UNC13B: variants seen among roughly 807,000 people sequenced by gnomAD.
UNC13B encodes unc-13 homolog B.
In UNC13B, 144 loss-of-function variants were observed where a neutral mutation model predicts 211.0. That is an observed-to-expected ratio of 0.68 (90% CI 0.60 to 0.78). UNC13B has a LOEUF of 0.78. UNC13B is among the 30% of genes least tolerant of loss of function. The pLI is 0.00. For synonymous variants in UNC13B, 709 were observed against 725.8 expected (o/e 0.98, Z 0.37); for missense variants, 1,777 against 2,002.0 (o/e 0.89, Z 2.14).
chr9:35,302,380 A>C lies in UNC13B; in HGVS notation c.2976A>C (p.Gln992His), dbSNP rs1176699338. 2.5e-6 allele frequency: 1 copy of C among 398,516 alleles called. No homozygotes were observed. The highest frequency in any genetic ancestry group is 4.4e-6 in the Non-Finnish European group (1 of 225,792). The allele number at this position is 398,516 out of a possible 1,614,324, so 24.7% of individuals were successfully genotyped here. A position where few individuals can be genotyped will look rare whatever the true frequency, so the allele number is the denominator to read the frequency against. The change falls in exon 9 of 40, where the codon CAA becomes CAC. Residue 992 changes from glutamine (Q) to histidine (H), a missense_variant. By Grantham distance (24) the Gln-to-His change is conservative. Transcript: ENST00000635942. The part of the protein sequence containing the change: ...DSIKEFNKND[Q>H]VNCPEDAKLS... The stretch of plus-strand genomic sequence containing the variant: ...TAAAGGAATTTAATAAGAATGACCA[A>C]GTAAATTGTCCTGAAGATGCCAAAC...
intron 20 of UNC13B, 147 bp from the exon 21 acceptor site, chr9:35,382,210 G>C: frequency 9.6e-7 from 1 of 1,045,716 alleles, no homozygotes. Context: ...TGCCCCTAGA[G>C]CTGTGTGCAG....
intron 29 of UNC13B, 139 bp downstream of exon 29, chr9:35,397,449 G>C: frequency 1.4e-6 from 2 of 1,417,126 alleles, no homozygotes; most frequent in Non-Finnish European, 1.9e-6. Context: ...CTGGTTTCTG[G>C]GGCAGACAGA....
In UNC13B at chr9:35,400,394, G is replaced by C; in HGVS notation, c.12435G>C (p.Gln4145His). Residue 4145 changes from glutamine to histidine, a missense_variant, in exon 37 of 40, where the codon CAG becomes CAC. Transcript: ENST00000635942. ...SLRYALSLYT[Q>H]TTDTLIKTFV... ...GCTATGCCCTGTCTCTGTACACACA[G>C]ACTACTGACACTCTCATCAAGACCT... The C allele has an allele frequency of 6.2e-7, 1 of 1,614,072 alleles. No individual in the cohort carries two copies. The highest frequency in any genetic ancestry group is 8.5e-7 in the Non-Finnish European group (1 of 1,179,976).
At chr9:35,342,188 C>T (rs531770717) in intron 11 of UNC13B, 20 of 985,608 alleles carry the variant, frequency 2.0e-5, no homozygotes, top group Non-Finnish European at 2.4e-5. Context: ...GGTGCTTTGG[C>T]TCAGAAAGTT....
At chr9:35,384,718 G>A (rs1835077689) in intron 22 of UNC13B, 1 of 985,298 alleles carries the variant, frequency 1.0e-6, no homozygotes, top group Non-Finnish European at 1.2e-6. Flanking sequence ...AATCTGGCTA[G>A]GGGACAGAGA....
chr9:35,377,317 A>C, intron 15 of UNC13B, 151 bp from the exon 16 acceptor site: 1 of 723,842 alleles, frequency 1.4e-6, no homozygotes, highest in South Asian at 1.9e-5. Context: ...TGGCAAGTGC[A>C]GGTGCCAGAG....
chr9:35,279,967 C>G (rs1828393429), intron 7 of UNC13B, among the ~76,000 whole-genome samples: 1 of 152,130 alleles, frequency 6.6e-6, no homozygotes, highest in African/African-American at 2.4e-5. Context: ...CCTCTACCAT[C>G]TGGGCCGTCT....
chr9:35,349,208 G>A (rs1055336244), intron 11 of UNC13B, among the ~76,000 whole-genome samples: 9 of 152,078 alleles, frequency 5.9e-5, no homozygotes, highest in Non-Finnish European at 1.3e-4. Context: ...GAGCCACCAC[G>A]CCCAGCCGCA....
intron 11 of UNC13B, among the ~76,000 whole-genome samples, chr9:35,325,313 C>G (rs1050006147): frequency 1.3e-5 from 2 of 152,154 alleles, no homozygotes; most frequent in Non-Finnish European, 2.9e-5. Flanking sequence ...GAGGTCCATA[C>G]CCATTCTCGC....
chr9:35,195,870 T>C (rs540401011), intron 1 of UNC13B, among the ~76,000 whole-genome samples: 2 of 152,286 alleles, frequency 1.3e-5, no homozygotes, highest in African/African-American at 4.8e-5. Flanking sequence ...CTGTGGTCAG[T>C]TGGCTGAGAG....
rs996867143 is a variant in UNC13B at position 35,288,422 on chromosome 9, G to C, written c.527-7274G>C. Among the ~76,000 whole-genome samples, 5 of 152,102 alleles carry C rather than the reference G, an allele frequency of 3.3e-5. No individual in the cohort carries two copies. In the South Asian group the frequency reaches 6.2e-4, roughly 19 times the overall value. The stretch of plus-strand genomic sequence containing the variant: ...GTAGCCTCTCACTCTAGATATTCTG[G>C]AACTATTTTCAGCTCACTGAACATG... On this transcript the variant is annotated intron_variant, in intron 7 of 39. Coordinates refer to ENST00000635942, the MANE Select transcript of UNC13B (RefSeq NM_001371189.2).
intron 6 of UNC13B, 70 bp from the exon 7 acceptor site, chr9:35,258,923 A>AT (rs1348552912): frequency 1.1e-5 from 17 of 1,530,448 alleles, no homozygotes; most frequent in East Asian, 2.3e-5. Context: ...GGTAGTTGTG[A>AT]TTTTTTTCCC....
chr9:35,246,364 A>G (rs1231295205), intron 6 of UNC13B, among the ~76,000 whole-genome samples: 4 of 152,014 alleles, frequency 2.6e-5, no homozygotes, highest in Non-Finnish European at 5.9e-5. Flanking sequence ...ATTAGATCCC[A>G]TTTGTCAATT....
rs574504851 is a variant in UNC13B, at chr9:35,223,355, T to A, written c.23-4660T>A. Among the ~76,000 whole-genome samples, 26 of 152,342 alleles carry A rather than the reference T, an allele frequency of 1.7e-4. No homozygotes were observed. In the South Asian group the frequency reaches 5.2e-3, roughly 30 times the overall value. ...TTTTCTCTCCATCCAGGCCAGCATC[T>A]GTTATATTTTGTGGTTTTGGTGATA... On this transcript the variant is annotated intron_variant, in intron 1 of 39. Transcript: ENST00000635942.
intron 1 of UNC13B, among the ~76,000 whole-genome samples, chr9:35,211,598 G>GAAT (rs1326269131): frequency 5.3e-5 from 8 of 152,264 alleles, no homozygotes; most frequent in African/African-American, 1.9e-4. Flanking sequence ...ATAGCAATAT[G>GAAT]AGTAGTAGTA....
intron 1 of UNC13B, among the ~76,000 whole-genome samples, chr9:35,198,250 G>T (rs572627280): frequency 3.3e-5 from 5 of 152,316 alleles, no homozygotes; most frequent in African/African-American, 1.2e-4. Context: ...AGCACCATCT[G>T]CTTGGTGCTT....
chr9:35,384,084 G>A (rs542985834), intron 21 of UNC13B, among the ~76,000 whole-genome samples, 162 bp from the exon 22 acceptor site: 28 of 152,146 alleles, frequency 1.8e-4, no homozygotes, highest in African/African-American at 6.5e-4. Context: ...CATTTTTTCC[G>A]TTACACTGTT....
chr9:35,315,358 T>G (rs1298941838), intron 11 of UNC13B, among the ~76,000 whole-genome samples: 1 of 152,188 alleles, frequency 6.6e-6, no homozygotes, highest in Non-Finnish European at 1.5e-5. Context: ...TGTGCACATA[T>G]ACTTTAAAAA....
At chr9:35,282,713 G>A (rs924834047) in intron 7 of UNC13B, among the ~76,000 whole-genome samples, 16 of 152,146 alleles carry the variant, frequency 1.1e-4, no homozygotes, top group Admixed American at 2.0e-4. Context: ...GGGATTACAG[G>A]TGTGAGCCAC....
Sources: gnomAD v4.1 joint callset for allele counts (sites outside exome capture counted in the v4.1 genomes callset) on GRCh38, gnomAD v4.1.1 for gene constraint, MANE v1.5 for transcripts, NCBI Gene and HGNC (gene_info 2026-07-23, HGNC 2026-07-21) for gene names.